The following CDH22 variants were observed in gnomAD, a reference collection of about 807,000 sequenced individuals.
CDH22 encodes cadherin 22, also known as cadherin-22.
CDH22 carries 30 observed loss-of-function variants against 58.4 expected under a neutral mutation model. The ratio of observed to expected loss-of-function variants is 0.51; its 90% confidence interval spans 0.38 to 0.70. The LOEUF (loss-of-function observed/expected upper bound fraction) is 0.70, where lower values mean the gene tolerates loss of function less well. Among genes scored for constraint, CDH22 ranks in the 30% least tolerant of loss-of-function variants. The pLI, the probability that CDH22 is intolerant of heterozygous loss-of-function variation, is 0.00. For synonymous variants in CDH22, 513 were observed against 558.2 expected (o/e 0.92, Z 1.14); for missense variants, 1,014 against 1,233.9 (o/e 0.82, Z 2.67).
intron 2 of CDH22, among the ~76,000 whole-genome samples, chr20:46,244,277 G>A (rs777968673): frequency 1.3e-5 from 2 of 152,168 alleles, no homozygotes; most frequent in Non-Finnish European, 2.9e-5. Flanking sequence ...CAGAGCTCAC[G>A]CTGGGGCCTA....
intron 11 of CDH22, among the ~76,000 whole-genome samples, chr20:46,176,188 C>G (rs1263636374): frequency 1.3e-5 from 2 of 152,316 alleles, no homozygotes; most frequent in African/African-American, 4.8e-5. Context: ...CATGCTCCCT[C>G]TCTTGGAGCT....
intron 7 of CDH22, among the ~76,000 whole-genome samples, chr20:46,207,408 G>A (rs2086009060): frequency 6.6e-6 from 1 of 152,168 alleles, no homozygotes; most frequent in African/African-American, 2.4e-5. Flanking sequence ...CTCCCTGGGA[G>A]AGCCTGCAGA....
chr20:46,226,083 C>G (rs535257076), intron 4 of CDH22, among the ~76,000 whole-genome samples: 1 of 151,990 alleles, frequency 6.6e-6, no homozygotes, highest in East Asian at 1.9e-4. Context: ...GCCACCCTCT[C>G]GACGTCACCT....
intron 3 of CDH22, among the ~76,000 whole-genome samples, chr20:46,238,895 C>T (rs2086271829): frequency 6.6e-6 from 1 of 152,200 alleles, no homozygotes; most frequent in Non-Finnish European, 1.5e-5. Context: ...TGAGCAAGAC[C>T]TTCCATTGAC....
chr20:46,281,418 T>G (rs917229421), intron 1 of CDH22, among the ~76,000 whole-genome samples: 3 of 151,454 alleles, frequency 2.0e-5, no homozygotes, highest in African/African-American at 7.3e-5. Context: ...AAAGGAAACC[T>G]GTGATGTATA....
At chr20:46,246,152 T>C (rs952847944) in intron 2 of CDH22, among the ~76,000 whole-genome samples, 4 of 152,238 alleles carry the variant, frequency 2.6e-5, no homozygotes, top group Non-Finnish European at 5.9e-5. Flanking sequence ...AGGTACGTTT[T>C]CCTTATTAAA....
At chr20:46,259,442 T>A (rs1568676553) in intron 1 of CDH22, among the ~76,000 whole-genome samples, 1 of 152,208 alleles carries the variant, frequency 6.6e-6, no homozygotes, top group Admixed American at 6.5e-5. Context: ...CAAAATCTAG[T>A]GAAGACCTAC....
chr20:46,205,316 C>T (rs2085993454), intron 7 of CDH22, among the ~76,000 whole-genome samples: 1 of 151,834 alleles, frequency 6.6e-6, no homozygotes, highest in Non-Finnish European at 1.5e-5. Context: ...ACCCTGAGAG[C>T]ACCAGGCACA....
intron 1 of CDH22, among the ~76,000 whole-genome samples, chr20:46,287,766 C>T (rs929043520): frequency 6.6e-6 from 1 of 152,102 alleles, no homozygotes; most frequent in African/African-American, 2.4e-5. Flanking sequence ...CTGTTTGGAA[C>T]TCACCCAGGC....
intron 10 of CDH22, 69 bp downstream of exon 10, chr20:46,186,519 C>A: frequency 1.7e-6 from 2 of 1,168,128 alleles, no homozygotes; most frequent in South Asian, 2.6e-5. Context: ...GTCCCTCTGT[C>A]TATAATATGG....
chr20:46,264,107 A>T (rs2086447133), intron 1 of CDH22, among the ~76,000 whole-genome samples: 1 of 152,200 alleles, frequency 6.6e-6, no homozygotes, highest in Non-Finnish European at 1.5e-5. Context: ...TTTTTGTTTT[A>T]GCTGACGTTT....
chr20:46,272,986 A>C (rs2086499920), intron 1 of CDH22, among the ~76,000 whole-genome samples: 1 of 152,220 alleles, frequency 6.6e-6, no homozygotes, highest in Admixed American at 6.5e-5. Context: ...ATAAAATTAA[A>C]GGTTTGAGGT....
At chr20:46,229,992 T>C (rs1428211606) in intron 3 of CDH22, among the ~76,000 whole-genome samples, 1 of 152,114 alleles carries the variant, frequency 6.6e-6, no homozygotes, top group East Asian at 1.9e-4. Flanking sequence ...GATTCTTTAT[T>C]GCAGCCATTA....
intron 3 of CDH22, among the ~76,000 whole-genome samples, chr20:46,233,408 C>T (rs1772733742): frequency 3.3e-5 from 5 of 152,206 alleles, no homozygotes; most frequent in Admixed American, 3.3e-4. Context: ...ATTTACCAGG[C>T]CCTCTGTTAT....
At chr20:46,212,919 T>C (rs574356411) in intron 6 of CDH22, 76 bp downstream of exon 6, 1 of 1,245,154 alleles carries the variant, frequency 8.0e-7, no homozygotes, top group African/African-American at 1.5e-5. Flanking sequence ...GGTGGGGGTA[T>C]TCGGCTGCCC....
rs556312884 is a variant in CDH22, at chr20:46,252,038, C to T, written c.-399-345G>A. On this transcript the variant is annotated intron_variant, in intron 1 of 11. Coordinates refer to ENST00000537909, the MANE Select transcript of CDH22 (RefSeq NM_021248.3). Reference sequence around the variant, plus strand: ...GCCCCTGACCTGGCTGACAATCTCTCCAGCCCTGCCCAGCCCCCAGAAATC... The same window carrying T: ...GCCCCTGACCTGGCTGACAATCTCTTCAGCCCTGCCCAGCCCCCAGAAATC... Among the ~76,000 whole-genome samples, 5 of 152,188 alleles carry T rather than the reference C, an allele frequency of 3.3e-5. No individual in the cohort carries two copies. The East Asian group carries it at 9.7e-4, about 29-fold the overall frequency.
intron 5 of CDH22, 46 bp from the exon 6 acceptor site, chr20:46,213,234 C>A: frequency 6.6e-7 from 1 of 1,511,020 alleles, no homozygotes; most frequent in South Asian, 1.1e-5. Context: ...AGCCCCTTCC[C>A]CAGCCTCTGC....
At chr20:46,280,518 G>T (rs547473190) in intron 1 of CDH22, among the ~76,000 whole-genome samples, 94 of 152,276 alleles carry the variant, frequency 6.2e-4, no homozygotes, top group Non-Finnish European at 1.2e-3. Context: ...ACCTTCTCAG[G>T]GGGGCTGGCA....
At chr20:46,273,584 A>G (rs2086502793) in intron 1 of CDH22, among the ~76,000 whole-genome samples, 1 of 152,212 alleles carries the variant, frequency 6.6e-6, no homozygotes, top group African/African-American at 2.4e-5. Flanking sequence ...CATCACACTC[A>G]CAGGCCAAGA....
Sources: allele counts gnomAD v4.1 joint callset (sites outside exome capture counted in the v4.1 genomes callset), GRCh38; gene constraint gnomAD v4.1.1; transcripts MANE v1.5; gene names NCBI Gene and HGNC (gene_info 2026-07-23, HGNC 2026-07-21).